ZNF407: variants seen among roughly 807,000 people sequenced by gnomAD.
ZNF407 encodes the protein zinc finger protein 407.
ZNF407 carries 17 observed loss-of-function variants against 131.2 expected under a neutral mutation model. The ratio of observed to expected loss-of-function variants is 0.13; its 90% confidence interval spans 0.09 to 0.19. The LOEUF (loss-of-function observed/expected upper bound fraction) is 0.19, where lower values mean the gene tolerates loss of function less well. Among genes scored for constraint, ZNF407 ranks in the 10% least tolerant of loss-of-function variants. The pLI is 1.00. For missense variants in ZNF407, 2,681 were observed against 2,830.6 expected (o/e 0.95, Z 1.20); for synonymous variants, 1,156 against 1,062.0 (o/e 1.09, Z -1.72).
intron 4 of ZNF407, among the ~76,000 whole-genome samples, chr18:74,805,376 C>A (rs766091723): frequency 2.6e-5 from 4 of 152,162 alleles, no homozygotes; most frequent in African/African-American, 9.7e-5. Context: ...CTCCTAAATT[C>A]TCCAGTTGAA....
intron 8 of ZNF407, among the ~76,000 whole-genome samples, chr18:74,953,053 A>T (rs1972233904): frequency 6.6e-6 from 1 of 152,230 alleles, no homozygotes; most frequent in South Asian, 2.1e-4. Flanking sequence ...GGAAAGCCAT[A>T]GAATGACGGT....
At position 75,054,387 on chromosome 18, in the gene ZNF407, C is replaced by G. The variant is rs1012188898; in HGVS notation, c.5429-8763C>G. On this transcript the variant is annotated intron_variant, in intron 8 of 8. Transcript: ENST00000299687. ...TACAATGAAGACAAATGTCTGTTTC[C>G]TCTCATTTCCTTGGGAACAATATGA... 2.0e-5 allele frequency among the ~76,000 whole-genome samples: 3 copies of G among 152,182 alleles called. No individual in the cohort carries two copies. The East Asian group carries it at 5.8e-4, about 29-fold the overall frequency.
At chr18:74,908,610 G>A (rs1448765025) in intron 7 of ZNF407, among the ~76,000 whole-genome samples, 4 of 152,142 alleles carry the variant, frequency 2.6e-5, no homozygotes, top group African/African-American at 9.7e-5. Context: ...AGGAATTTGA[G>A]GTTCTTTATT....
At chr18:74,654,053 T>C (rs1599043724) in intron 3 of ZNF407, among the ~76,000 whole-genome samples, 1 of 151,836 alleles carries the variant, frequency 6.6e-6, no homozygotes, top group East Asian at 1.9e-4. Context: ...CATGAAATCG[T>C]TGCATTGACA....
At chr18:74,930,781 A>G (rs918323935) in intron 8 of ZNF407, among the ~76,000 whole-genome samples, 2 of 152,078 alleles carry the variant, frequency 1.3e-5, no homozygotes, top group Non-Finnish European at 2.9e-5. Context: ...CCTTTTAGAG[A>G]CATCTCTTTA....
chr18:74,729,524 G>A (rs1329635607), intron 3 of ZNF407, among the ~76,000 whole-genome samples: 2 of 151,880 alleles, frequency 1.3e-5, no homozygotes, highest in Admixed American at 1.3e-4. Flanking sequence ...TGTCTTGCAT[G>A]TTCGTTGGTT....
intron 6 of ZNF407, 131 bp downstream of exon 6, chr18:74,881,250 A>G (rs1024136149): frequency 1.4e-6 from 1 of 696,682 alleles, no homozygotes; most frequent in African/African-American, 1.8e-5. Flanking sequence ...AGGTCTACAG[A>G]TAATTCCAGT....
chr18:74,774,011 A>G (rs142199635), intron 3 of ZNF407, among the ~76,000 whole-genome samples: 2 of 152,356 alleles, frequency 1.3e-5, no homozygotes, highest in Non-Finnish European at 2.9e-5. Flanking sequence ...GAAAATAAGG[A>G]AGAACCCAAC....
chr18:74,746,675 T>C (rs1339511427), intron 3 of ZNF407, among the ~76,000 whole-genome samples: 2 of 152,072 alleles, frequency 1.3e-5, no homozygotes, highest in Non-Finnish European at 2.9e-5. Flanking sequence ...CTTGTCTCAG[T>C]GGAAGGTCTT....
At chr18:75,045,154 A>G (rs1014466620) in intron 8 of ZNF407, among the ~76,000 whole-genome samples, 2 of 152,072 alleles carry the variant, frequency 1.3e-5, no homozygotes, top group Non-Finnish European at 1.5e-5. Context: ...GCACGCATGT[A>G]CATAACATGT....
chr18:74,727,916 G>A (rs1968197581), intron 3 of ZNF407, among the ~76,000 whole-genome samples: 1 of 152,162 alleles, frequency 6.6e-6, no homozygotes. Flanking sequence ...GCTGGATTCG[G>A]ACAAGAAGAC....
chr18:74,840,371 A>T (rs1232414627), intron 4 of ZNF407, among the ~76,000 whole-genome samples: 1 of 151,426 alleles, frequency 6.6e-6, no homozygotes, highest in Non-Finnish European at 1.5e-5. Context: ...CTCGAGCCAG[A>T]CCTTTCTCCC....
At chr18:74,763,574 G>T (rs1166993707) in intron 3 of ZNF407, among the ~76,000 whole-genome samples, 1 of 151,584 alleles carries the variant, frequency 6.6e-6, no homozygotes, top group Non-Finnish European at 1.5e-5. Flanking sequence ...TATATTTACG[G>T]TCTGTGATTC....
chr18:74,733,775 C>T (rs1006067416), intron 3 of ZNF407, among the ~76,000 whole-genome samples: 11 of 152,162 alleles, frequency 7.2e-5, no homozygotes, highest in African/African-American at 2.4e-4. Context: ...CAATTAGTGT[C>T]GTAACAGGAC....
At chr18:74,655,700 CTTTA>C (rs1222117647) in intron 3 of ZNF407, among the ~76,000 whole-genome samples, 2 of 152,084 alleles carry the variant, frequency 1.3e-5, no homozygotes, top group Non-Finnish European at 2.9e-5. Context: ...ATTTGTTTTT[CTTTA>C]TTTGAGGTGT....
At chr18:74,606,542 C>T (rs1348078989) in intron 1 of ZNF407, among the ~76,000 whole-genome samples, 1 of 152,168 alleles carries the variant, frequency 6.6e-6, no homozygotes, top group Non-Finnish European at 1.5e-5. Context: ...TGCACCCAGC[C>T]TAGATCTAAA....
chr18:75,053,337 TC>T (rs1220707502), intron 8 of ZNF407, among the ~76,000 whole-genome samples: 2 of 152,210 alleles, frequency 1.3e-5, no homozygotes, highest in African/African-American at 2.4e-5. Context: ...GATTGTGCTT[TC>T]TAAAAGGATC....
At chr18:74,968,602 G>T (rs938587207) in intron 8 of ZNF407, among the ~76,000 whole-genome samples, 2 of 152,156 alleles carry the variant, frequency 1.3e-5, no homozygotes, top group Non-Finnish European at 2.9e-5. Flanking sequence ...CTCTTAGCAG[G>T]TGCCTCTTTC....
Position 74,889,432 on chromosome 18 carries a change from T to A in ZNF407, c.5129-486T>A, listed in dbSNP as rs1483878166. On this transcript the variant is annotated intron_variant, in intron 6 of 8. Transcript: ENST00000299687. ...CGGCTTAATACAGTATATTTTTTGTTGCTTCTGACACTTTTTAAGGTGGTG... is the reference window on the plus strand; with the variant it reads ...CGGCTTAATACAGTATATTTTTTGTAGCTTCTGACACTTTTTAAGGTGGTG... Among the ~76,000 whole-genome samples the A allele has an allele frequency of 2.6e-5, 4 of 152,224 alleles. No individual in the cohort carries two copies. The East Asian group carries it at 7.7e-4, about 29-fold the overall frequency.
Sources: gnomAD v4.1 joint callset for allele counts (sites outside exome capture counted in the v4.1 genomes callset) on GRCh38, gnomAD v4.1.1 for gene constraint, MANE v1.5 for transcripts, NCBI Gene and HGNC (gene_info 2026-07-23, HGNC 2026-07-21) for gene names.